Variants in SH3D19 observed in about 807,000 individuals in gnomAD.
SH3D19 encodes the protein SH3 domain containing 19, also known as SH3 domain-containing protein 19.
In SH3D19, 58 loss-of-function variants were observed where a neutral mutation model predicts 112.1. That is an observed-to-expected ratio of 0.52 (90% confidence interval 0.42 to 0.64). SH3D19 has a LOEUF of 0.64. SH3D19 is among the 30% of genes least tolerant of loss of function. SH3D19 has a pLI of 0.00. For synonymous variants in SH3D19, 391 were observed against 448.5 expected (o/e 0.87, Z 1.62); for missense variants, 1,090 against 1,263.4 (o/e 0.86, Z 2.08).
chr4:151,269,428 C>T, intron 1 of SH3D19, among the ~76,000 whole-genome samples: 1 of 152,158 alleles, frequency 6.6e-6, no homozygotes, highest in East Asian at 1.9e-4. Flanking sequence ...TTTTGCTGTG[C>T]AGAAGCTCTT....
chr4:151,277,997 C>T (rs887972112), intron 1 of SH3D19, among the ~76,000 whole-genome samples: 1 of 152,228 alleles, frequency 6.6e-6, no homozygotes, highest in African/African-American at 2.4e-5. Flanking sequence ...GCCGAGATAG[C>T]GCCACTGCAC....
At chr4:151,317,807 C>G (rs1437674166) in intron 1 of SH3D19, among the ~76,000 whole-genome samples, 1 of 151,956 alleles carries the variant, frequency 6.6e-6, no homozygotes, top group Non-Finnish European at 1.5e-5. Context: ...AACCCTGTCT[C>G]TACTAACAAT....
intron 1 of SH3D19, among the ~76,000 whole-genome samples, chr4:151,290,335 A>C (rs947293077): frequency 2.0e-5 from 3 of 152,232 alleles, no homozygotes; most frequent in Non-Finnish European, 4.4e-5. Flanking sequence ...CAAGTGGTAC[A>C]TCCATACAAT....
intron 2 of SH3D19, among the ~76,000 whole-genome samples, chr4:151,204,758 T>G: frequency 6.6e-6 from 1 of 152,198 alleles, no homozygotes; most frequent in African/African-American, 2.4e-5. Flanking sequence ...AAGGTGATAT[T>G]TTTAACAATC....
chr4:151,291,481 G>A, intron 1 of SH3D19: 1 of 1,432,386 alleles, frequency 7.0e-7, no homozygotes, highest in Non-Finnish European at 9.5e-7. Context: ...GCTAACCCTG[G>A]GTGACTTTAT....
intron 7 of SH3D19, among the ~76,000 whole-genome samples, chr4:151,167,670 G>T (rs575104550): frequency 2.6e-5 from 4 of 152,180 alleles, no homozygotes; most frequent in Non-Finnish European, 5.9e-5. Flanking sequence ...GGGACGTGAG[G>T]AGTGTCTCTG....
Position 151,187,374 on chromosome 4 carries a change from C to G in SH3D19, c.193+49G>C, listed in dbSNP as rs990085411. 3 of 1,095,612 alleles carry G rather than the reference C, an allele frequency of 2.7e-6. No individual in the cohort carries two copies. The African/African-American group carries it at 4.8e-5, about 18-fold the overall frequency. 67.9% of individuals were successfully genotyped at this position (1,095,612 alleles called of 1,614,324 possible). A position where few individuals can be genotyped will look rare whatever the true frequency, so the allele number is the denominator to read the frequency against. ...CACCTGCTGGAAATCTAAATCATCACTTAAAATTATTACAGAGGAAAATAC... is the reference window on the plus strand; with the variant it reads ...CACCTGCTGGAAATCTAAATCATCAGTTAAAATTATTACAGAGGAAAATAC... On this transcript the variant is annotated intron_variant, in intron 3 of 19. Transcript: ENST00000604030.
intron 1 of SH3D19, among the ~76,000 whole-genome samples, chr4:151,270,314 AT>A (rs1196442915): frequency 6.6e-6 from 1 of 151,942 alleles, no homozygotes; most frequent in Non-Finnish European, 1.5e-5. Context: ...TCTTGGTACT[AT>A]CCTCAAAATA....
chr4:151,221,578 G>A (rs1294592212), intron 2 of SH3D19, among the ~76,000 whole-genome samples: 20 of 152,200 alleles, frequency 1.3e-4, no homozygotes, highest in Non-Finnish European at 1.5e-5. Context: ...GCTTTTGAGA[G>A]TCAGGTTCTT....
chr4:151,199,162 TC>T (rs1459516767), intron 2 of SH3D19, among the ~76,000 whole-genome samples: 14 of 152,200 alleles, frequency 9.2e-5, no homozygotes, highest in African/African-American at 2.6e-4. Context: ...ACAGTAAATT[TC>T]TAGATTTGGG....
At chr4:151,183,341 T>C (rs548642193) in intron 3 of SH3D19, among the ~76,000 whole-genome samples, 3 of 152,244 alleles carry the variant, frequency 2.0e-5, no homozygotes, top group South Asian at 2.1e-4. Flanking sequence ...ATACAAAACA[T>C]ATTCATGTTA....
At chr4:151,205,551 T>C (rs1247288042) in intron 2 of SH3D19, among the ~76,000 whole-genome samples, 2 of 152,190 alleles carry the variant, frequency 1.3e-5, no homozygotes, top group East Asian at 3.9e-4. Flanking sequence ...TCCTTATCTG[T>C]AACATGACAT....
chr4:151,255,870 G>A (rs3990733), intron 1 of SH3D19, among the ~76,000 whole-genome samples: 2,775 of 152,328 alleles, frequency 0.018, 41 homozygotes, highest in Middle Eastern at 0.037. Context: ...ACCAAAACCA[G>A]TCAGGCGTGG....
intron 8 of SH3D19, among the ~76,000 whole-genome samples, chr4:151,160,534 T>G (rs1756974208): frequency 6.6e-6 from 1 of 152,140 alleles, no homozygotes; most frequent in African/African-American, 2.4e-5. Flanking sequence ...GATGACCAAA[T>G]TAGTGACAGC....
chr4:151,233,937 T>C (rs1769809318), intron 1 of SH3D19, among the ~76,000 whole-genome samples: 1 of 152,260 alleles, frequency 6.6e-6, no homozygotes, highest in Non-Finnish European at 1.5e-5. Context: ...TTGTTCATAA[T>C]GGTACTATCC....
intron 1 of SH3D19, among the ~76,000 whole-genome samples, chr4:151,228,555 A>G (rs909102979): frequency 6.6e-6 from 1 of 152,122 alleles, no homozygotes; most frequent in East Asian, 1.9e-4. Flanking sequence ...AATTTTCATG[A>G]TAGTCAAGAT....
At position 151,325,451 on chromosome 4, in the gene SH3D19, C is replaced by CG; in HGVS notation, c.-100dup. On this transcript the variant is annotated 5_prime_UTR_variant, in exon 1 of 20. Coordinates refer to ENST00000604030, the MANE Select transcript of SH3D19 (RefSeq NM_001378122.1). ...GCGCCCCACGCCACCGCCCTCGGGC[C>CG]GGGGGGAAGGCGGCTCCCGGAGAGG... 9.4e-6 allele frequency: 5 copies of CG among 529,108 alleles called. No individual in the cohort carries two copies. The highest frequency in any genetic ancestry group is 2.0e-5 in the African/African-American group (1 of 49,884). The allele number at this position is 529,108 out of a possible 1,614,324, so 32.8% of individuals were successfully genotyped here.
chr4:151,298,868 C>T (rs746680962), intron 1 of SH3D19, among the ~76,000 whole-genome samples: 10 of 152,166 alleles, frequency 6.6e-5, no homozygotes, highest in Non-Finnish European at 1.3e-4. Flanking sequence ...AATATCATTT[C>T]ACTTCAAAAA....
chr4:151,142,277 A>C (rs567556888), intron 12 of SH3D19, among the ~76,000 whole-genome samples: 1 of 152,338 alleles, frequency 6.6e-6, no homozygotes, highest in East Asian at 1.9e-4. Flanking sequence ...GAAAGTGAAC[A>C]TGGCTGTAGC....
Sources: gnomAD v4.1 joint callset for allele counts (sites outside exome capture counted in the v4.1 genomes callset) on GRCh38, gnomAD v4.1.1 for gene constraint, MANE v1.5 for transcripts, NCBI Gene and HGNC (gene_info 2026-07-23, HGNC 2026-07-21) for gene names.